SHISA9: variants seen among roughly 807,000 people sequenced by gnomAD.
SHISA9 encodes protein shisa-9.
A neutral mutation model predicts 38.0 loss-of-function variants in SHISA9; 13 were observed. The ratio of observed to expected loss-of-function variants is 0.34; its 90% CI spans 0.22 to 0.54. SHISA9 has a LOEUF of 0.54. Among genes scored for constraint, SHISA9 ranks in the 20% least tolerant of loss-of-function variants. The probability of loss-of-function intolerance (pLI) is 0.91; values close to 1 mark genes in which losing one functional copy is unlikely to be tolerated. For missense variants in SHISA9, 538 were observed against 575.8 expected (o/e 0.93, Z 0.67); for synonymous variants, 275 against 242.0 (o/e 1.14, Z -1.27).
the SHISA9 span, among the ~76,000 whole-genome samples, chr16:13,523,292 G>C: frequency 6.6e-6 from 1 of 152,186 alleles, no homozygotes; most frequent in Non-Finnish European, 1.5e-5. Flanking sequence ...GGACGTTGCA[G>C]TGAGCCGAGA....
the SHISA9 span, among the ~76,000 whole-genome samples, chr16:13,533,348 G>C: frequency 6.6e-6 from 1 of 152,154 alleles, no homozygotes. Flanking sequence ...AGGCAGCTCA[G>C]AATGATTGGA....
chr16:13,019,773 TTTC>T (rs1342191429), intron 2 of SHISA9, among the ~76,000 whole-genome samples: 12 of 58,196 alleles, frequency 2.1e-4, no homozygotes, highest in African/African-American at 3.3e-4. Flanking sequence ...CTTTTCTTTC[TTTC>T]TTTCTTTCTT....
At chr16:13,455,433 T>C in the SHISA9 span, among the ~76,000 whole-genome samples, 2 of 152,202 alleles carry the variant, frequency 1.3e-5, no homozygotes, top group Admixed American at 6.5e-5. Flanking sequence ...CAGGGATTTA[T>C]GTAGAAACCA....
Position 12,902,224 on chromosome 16 carries a change from G to T in SHISA9, c.160G>T (p.Ala54Ser). ...GNRSGAASGE[A>S]SEGAEASDAP... Reference sequence around the variant, plus strand: ...CCGCTCCGGGGCCGCCTCCGGAGAGGCCAGCGAGGGCGCTGAGGCATCGGA... The same window carrying T: ...CCGCTCCGGGGCCGCCTCCGGAGAGTCCAGCGAGGGCGCTGAGGCATCGGA... Residue 54 changes from alanine to serine, a missense_variant, in exon 1 of 5, where the codon GCC becomes TCC. Physicochemically the swap from Ala to Ser is moderately conservative, Grantham distance 99 (BLOSUM62 1). Coordinates refer to ENST00000558583, the MANE Select transcript of SHISA9 (RefSeq NM_001145204.3). The T allele has an allele frequency of 6.5e-7, 1 of 1,539,062 alleles. No individual in the cohort carries two copies.
At chr16:13,451,251 C>T in the SHISA9 span, among the ~76,000 whole-genome samples, 1 of 152,156 alleles carries the variant, frequency 6.6e-6, no homozygotes. Flanking sequence ...CACTGGATAA[C>T]ACACCCTTTA....
intron 2 of SHISA9, among the ~76,000 whole-genome samples, chr16:13,005,423 G>A (rs929288593): frequency 3.3e-5 from 5 of 152,148 alleles, no homozygotes; most frequent in Non-Finnish European, 5.9e-5. Context: ...TGCAAATACC[G>A]TAGGGATGCA....
At chr16:13,017,187 T>C (rs2072768271) in intron 2 of SHISA9, among the ~76,000 whole-genome samples, 1 of 151,972 alleles carries the variant, frequency 6.6e-6, no homozygotes, top group African/African-American at 2.4e-5. Context: ...GCCTGGCTAA[T>C]TTTTGTATTT....
chr16:13,276,129 A>G, the SHISA9 span, among the ~76,000 whole-genome samples: 340 of 152,014 alleles, frequency 2.2e-3, 10 homozygotes, highest in East Asian at 0.058. Flanking sequence ...ATGCTTTTGC[A>G]TCCTTATAGC....
At chr16:12,957,926 G>T (rs1463928475) in intron 2 of SHISA9, among the ~76,000 whole-genome samples, 1 of 152,124 alleles carries the variant, frequency 6.6e-6, no homozygotes, top group Non-Finnish European at 1.5e-5. Flanking sequence ...CCAGCAAGGG[G>T]GCTCGACTTT....
chr16:13,094,339 A>G (rs952930742), intron 2 of SHISA9, among the ~76,000 whole-genome samples: 7 of 152,306 alleles, frequency 4.6e-5, no homozygotes, highest in South Asian at 4.1e-4. Flanking sequence ...CTAAGAGCCA[A>G]TGTATTGCTA....
chr16:13,067,078 A>G (rs530471992), intron 2 of SHISA9, among the ~76,000 whole-genome samples: 1 of 152,342 alleles, frequency 6.6e-6, no homozygotes, highest in East Asian at 1.9e-4. Flanking sequence ...TGCCTGGGGA[A>G]GCTTTGAGGG....
chr16:13,278,682 G>C, the SHISA9 span, among the ~76,000 whole-genome samples: 1 of 151,962 alleles, frequency 6.6e-6, no homozygotes, highest in African/African-American at 2.4e-5. Flanking sequence ...ATCTCTTCTA[G>C]GTTTTCTAGT....
chr16:13,020,750 C>G (rs553019919), intron 2 of SHISA9, among the ~76,000 whole-genome samples: 27 of 152,150 alleles, frequency 1.8e-4, no homozygotes, highest in Non-Finnish European at 1.6e-4. Context: ...TATTAGGATC[C>G]AAACATACTA....
chr16:12,972,683 TTAAC>T (rs2072100508), intron 2 of SHISA9, among the ~76,000 whole-genome samples: 1 of 152,218 alleles, frequency 6.6e-6, no homozygotes, highest in South Asian at 2.1e-4. Context: ...TTATTTAATT[TTAAC>T]TAATTCAGAG....
chr16:13,238,945 A>G lies in SHISA9; in HGVS notation c.*3536A>G, dbSNP rs1313244908. 1 of 148,120 alleles carries G rather than the reference A, an allele frequency of 6.8e-6. No homozygotes were observed. The highest frequency in any genetic ancestry group is 2.5e-5 in the African/African-American group (1 of 40,346). The allele number at this position is 148,120 out of a possible 1,614,324, so 9.2% of individuals were successfully genotyped here. On this transcript the variant is annotated 3_prime_UTR_variant, in exon 5 of 5. Transcript: ENST00000558583. ...GGTGTGCTGCACCCATTAACTCGTCATTTAGCATTAGCTATATCTCCTAAT... is the reference window on the plus strand; with the variant it reads ...GGTGTGCTGCACCCATTAACTCGTCGTTTAGCATTAGCTATATCTCCTAAT...
chr16:12,978,377 G>A (rs1014975867), intron 2 of SHISA9, among the ~76,000 whole-genome samples: 1 of 152,172 alleles, frequency 6.6e-6, no homozygotes, highest in Non-Finnish European at 1.5e-5. Flanking sequence ...AGACTACTAC[G>A]TAACCCAAGG....
intron 1 of SHISA9, 97 bp downstream of exon 1, chr16:12,902,724 G>T (rs2071036188): frequency 8.0e-7 from 1 of 1,252,338 alleles, no homozygotes; most frequent in Non-Finnish European, 1.1e-6. Flanking sequence ...CACGGTCCCC[G>T]CTCCCCGCAT....
chr16:13,557,065 G>T, the SHISA9 span, among the ~76,000 whole-genome samples: 1 of 152,116 alleles, frequency 6.6e-6, no homozygotes, highest in African/African-American at 2.4e-5. Context: ...TCTATTCCCA[G>T]CACTTAAAAC....
chr16:13,208,381 T>C (rs183399569), intron 3 of SHISA9, among the ~76,000 whole-genome samples: 2,001 of 152,024 alleles, frequency 0.013, 41 homozygotes, highest in African/African-American at 0.046. Context: ...TTTGTTTGCT[T>C]GTTGGGATCA....
Sources: gnomAD v4.1 joint callset for allele counts (sites outside exome capture counted in the v4.1 genomes callset) on GRCh38, gnomAD v4.1.1 for gene constraint, MANE v1.5 for transcripts, NCBI Gene and HGNC (gene_info 2026-07-23, HGNC 2026-07-21) for gene names.